SPAG16: variants seen among roughly 807,000 people sequenced by gnomAD.
SPAG16 encodes sperm associated antigen 16.
Under a neutral mutation model 80.4 loss-of-function variants are expected in SPAG16, and 86 were observed. The ratio of observed to expected loss-of-function variants is 1.07; its 90% confidence interval spans 0.90 to 1.28. The LOEUF (loss-of-function observed/expected upper bound fraction) is 1.28. Among genes scored for constraint, SPAG16 ranks in the 50% most tolerant of loss-of-function variants. SPAG16 has a pLI of 0.00. For synonymous variants in SPAG16, 294 were observed against 265.9 expected, an observed-to-expected ratio of 1.11 and a Z score of -1.03; for missense variants, 870 against 765.3, an observed-to-expected ratio of 1.14 and a Z score of -1.61.
intron 15 of SPAG16, among the ~76,000 whole-genome samples, chr2:214,357,169 A>G (rs1011392403): frequency 2.0e-5 from 3 of 151,692 alleles, no homozygotes; most frequent in African/African-American, 7.3e-5. Flanking sequence ...TCTCCTTTGT[A>G]TCTTTGGTTC....
At chr2:214,179,917 T>C (rs1223102976) in intron 15 of SPAG16, among the ~76,000 whole-genome samples, 1 of 151,584 alleles carries the variant, frequency 6.6e-6, no homozygotes, top group Non-Finnish European at 1.5e-5. Flanking sequence ...GAAAAACATG[T>C]AAATGGTGTT....
intron 9 of SPAG16, chr2:213,396,698 C>T (rs368957477): frequency 2.5e-4 from 112 of 452,912 alleles, no homozygotes; most frequent in African/African-American, 2.0e-3. Flanking sequence ...ACTAAGACTG[C>T]CCATCTTCAG....
At chr2:213,370,954 G>A (rs2066594976) in intron 8 of SPAG16, among the ~76,000 whole-genome samples, 1 of 152,190 alleles carries the variant, frequency 6.6e-6, no homozygotes, top group African/African-American at 2.4e-5. Context: ...TTTAAATCCT[G>A]TACTGAATAA....
chr2:213,396,605 C>T (rs1264225378), intron 9 of SPAG16: 1 of 455,284 alleles, frequency 2.2e-6, no homozygotes. Flanking sequence ...GGACAGGGAA[C>T]TCTCAAACTT....
At chr2:213,496,549 A>G (rs1559192071) in intron 10 of SPAG16, among the ~76,000 whole-genome samples, 1 of 152,160 alleles carries the variant, frequency 6.6e-6, no homozygotes, top group Non-Finnish European at 1.5e-5. Context: ...ATTGAAACAG[A>G]CACCAGAAAT....
At chr2:213,884,531 TG>T (rs1465546151) in intron 11 of SPAG16, among the ~76,000 whole-genome samples, 4 of 152,218 alleles carry the variant, frequency 2.6e-5, no homozygotes, top group African/African-American at 9.7e-5. Context: ...TGGGTTTGCA[TG>T]TCAACCTCTT....
chr2:214,089,120 G>A (rs1334101522), intron 13 of SPAG16, among the ~76,000 whole-genome samples: 1 of 151,956 alleles, frequency 6.6e-6, no homozygotes, highest in Non-Finnish European at 1.5e-5. Context: ...AGTCCTTTAT[G>A]GCAGAGTGGG....
chr2:214,363,016 T>C (rs1211047834), intron 15 of SPAG16, among the ~76,000 whole-genome samples: 2 of 151,910 alleles, frequency 1.3e-5, no homozygotes, highest in Admixed American at 1.3e-4. Context: ...GGACTCTTAA[T>C]ACCATTTTCT....
rs146690813 is a variant in SPAG16, at chr2:214,404,920, G to C, written c.1721-5220G>C. 8.3e-4 allele frequency among the ~76,000 whole-genome samples: 127 copies of C among 152,244 alleles called. 1 individual carries two copies. Among genetic ancestry groups the C allele is most frequent in the African/African-American group, 2.9e-3 (120 of 41,546 alleles). ...ATATGCATTAGAATGTATGTATTTA[G>C]AGATTAATGGATATATATAGTGACT... On this transcript the variant is annotated intron_variant, in intron 15 of 15. Transcript: ENST00000331683.
chr2:213,945,236 T>C (rs2079390181), intron 12 of SPAG16, among the ~76,000 whole-genome samples: 1 of 149,598 alleles, frequency 6.7e-6, no homozygotes, highest in Admixed American at 6.7e-5. Flanking sequence ...ATCTTTCATA[T>C]ATATGTGTAT....
At chr2:213,909,086 GACAA>G (rs1448297759) in intron 11 of SPAG16, among the ~76,000 whole-genome samples, 2 of 152,038 alleles carry the variant, frequency 1.3e-5, no homozygotes, top group Non-Finnish European at 1.5e-5. Context: ...ACCAAAAACA[GACAA>G]ACAGAGAGCC....
At chr2:214,045,364 C>T (rs1332140204) in intron 13 of SPAG16, among the ~76,000 whole-genome samples, 1 of 152,152 alleles carries the variant, frequency 6.6e-6, no homozygotes, top group East Asian at 1.9e-4. Flanking sequence ...TTAAAAAGCT[C>T]TTGGGCCCTG....
At chr2:214,334,290 C>T (rs1697132826) in intron 15 of SPAG16, among the ~76,000 whole-genome samples, 1 of 152,182 alleles carries the variant, frequency 6.6e-6, no homozygotes, top group Non-Finnish European at 1.5e-5. Context: ...TTGCAAGACT[C>T]AGTTCTTTGA....
chr2:213,510,682 T>G lies in SPAG16; in HGVS notation c.1070+20592T>G, dbSNP rs528847399. On this transcript the variant is annotated intron_variant, in intron 10 of 15. Coordinates refer to ENST00000331683, the MANE Select transcript of SPAG16 (RefSeq NM_024532.5). ...ACTGTGCAACCTTTGTATTGATAAC[T>G]GGACTTAGTACAGGCATAATTTTTT... is the stretch of plus-strand genomic sequence containing the variant. Among the ~76,000 whole-genome samples the G allele has an allele frequency of 1.7e-3, 256 of 152,324 alleles. 1 individual carries two copies. The highest frequency in any genetic ancestry group is 5.8e-3 in the African/African-American group (240 of 41,582).
At chr2:213,991,884 T>C (rs74840193) in intron 12 of SPAG16, among the ~76,000 whole-genome samples, 4 of 151,272 alleles carry the variant, frequency 2.6e-5, no homozygotes, top group African/African-American at 9.7e-5. Flanking sequence ...TATTTATTTA[T>C]TTATTTATTC....
chr2:213,454,643 A>G (rs1206793305), intron 9 of SPAG16, among the ~76,000 whole-genome samples: 2 of 152,204 alleles, frequency 1.3e-5, no homozygotes, highest in African/African-American at 4.8e-5. Context: ...GAAAATTATA[A>G]TGCTTAGCAG....
chr2:213,851,304 G>A (rs1427961926), intron 10 of SPAG16, among the ~76,000 whole-genome samples: 1 of 152,126 alleles, frequency 6.6e-6, no homozygotes, highest in Non-Finnish European at 1.5e-5. Context: ...GAGGTCAGGA[G>A]TTCGAGACCA....
intron 12 of SPAG16, among the ~76,000 whole-genome samples, chr2:213,960,671 C>A (rs929116625): frequency 6.6e-6 from 1 of 152,172 alleles, no homozygotes; most frequent in Non-Finnish European, 1.5e-5. Flanking sequence ...TTTCAATTGA[C>A]ATGTGTGGTC....
chr2:213,894,385 T>C lies in SPAG16; in HGVS notation c.1214+31757T>C, dbSNP rs74980038. The stretch of plus-strand genomic sequence containing the variant: ...GTGCCCATAAAAGCACTTGATAAAA[T>C]TTAAATCACTTTATAATGAAAACCC... On this transcript the variant is annotated intron_variant, in intron 11 of 15. Coordinates refer to ENST00000331683, the MANE Select transcript of SPAG16 (RefSeq NM_024532.5). 9.3e-3 allele frequency among the ~76,000 whole-genome samples: 1,415 copies of C among 152,236 alleles called. 23 individuals carry two copies. Among genetic ancestry groups the C allele is most frequent in the African/African-American group, 0.031 (1,290 of 41,536 alleles).
Sources: allele counts gnomAD v4.1 joint callset (sites outside exome capture counted in the v4.1 genomes callset), GRCh38; gene constraint gnomAD v4.1.1; transcripts MANE v1.5; gene names NCBI Gene and HGNC (gene_info 2026-07-23, HGNC 2026-07-21).